The following ICA1L variants were observed in gnomAD, a reference collection of about 807,000 sequenced individuals.
The protein encoded by ICA1L is islet cell autoantigen 1-like protein.
A neutral mutation model predicts 61.3 loss-of-function variants in ICA1L; 50 were observed. The observed-to-expected ratio is 0.82, with a 90% CI of 0.65 to 1.03. The LOEUF is 1.03. Among genes scored for constraint, ICA1L ranks in the 50% least tolerant of loss-of-function variants. ICA1L has a pLI of 0.00. For missense variants in ICA1L, 508 were observed against 556.7 expected, an observed-to-expected ratio of 0.91 and a Z score of 0.88; for synonymous variants, 161 against 191.3, an observed-to-expected ratio of 0.84 and a Z score of 1.31.
Position 202,828,888 on chromosome 2 carries a change from T to C in ICA1L, c.122A>G (p.His41Arg). 6.2e-7 allele frequency: 1 copy of C among 1,614,068 alleles called. No individual in the cohort carries two copies. Among genetic ancestry groups the C allele is most frequent in the Non-Finnish European group, 8.5e-7 (1 of 1,180,000 alleles). Residue 41 changes from histidine to arginine, a missense_variant, in exon 2 of 13, where the codon CAC (histidine) becomes CGC (arginine). His to Arg is a conservative substitution (Grantham distance 29). Transcript: ENST00000358299. ...IKATGKKEDE[H>R]LVASDAELDA... ...CAGTTCAGCATCAGACGCCACCAAG[T>C]GCTCATCCTCTTTTTTTCCTGTTGC...
intron 7 of ICA1L, 66 bp downstream of exon 7, chr2:202,815,845 G>A: frequency 2.3e-6 from 2 of 854,450 alleles, no homozygotes; most frequent in Non-Finnish European, 1.7e-6. Context: ...AAAAAAAAAA[G>A]TTTCAATGTT....
chr2:202,815,585 T>C (rs1693510704), intron 7 of ICA1L, among the ~76,000 whole-genome samples: 1 of 152,142 alleles, frequency 6.6e-6, no homozygotes, highest in African/African-American at 2.4e-5. Flanking sequence ...TGCATAGCCT[T>C]TTCTTATCTC....
rs1307913729 is a variant in ICA1L at position 202,849,890 on chromosome 2, C to G, written c.-7-20874G>C. 6.6e-6 allele frequency among the ~76,000 whole-genome samples: 1 copy of G among 152,192 alleles called. No homozygotes were observed. The highest frequency in any genetic ancestry group is 1.5e-5 in the Non-Finnish European group (1 of 68,044). On this transcript the variant is annotated intron_variant, in intron 1 of 12. Coordinates refer to ENST00000358299, the MANE Select transcript of ICA1L (RefSeq NM_001288622.3). The surrounding 1 kb of genome is among the most constrained non-coding windows in gnomAD (Gnocchi z 4.5). The stretch of plus-strand genomic sequence containing the variant: ...AGCAGGGGTCAACAGACACCTCATA[C>G]AGGAGAGTTCCAGCTGGCATCAGGC...
At position 202,815,928 on chromosome 2, in the gene ICA1L, C is replaced by A. The variant is rs1693519856; in HGVS notation, c.766G>T (p.Asp256Tyr). 6.3e-7 allele frequency: 1 copy of A among 1,590,570 alleles called. No homozygotes were observed. Among genetic ancestry groups the A allele is most frequent in the African/African-American group, 1.4e-5 (1 of 73,452 alleles). ...HEACIGFHPY[D>Y]FVALKQLQDT... ...CAATGTACCTTGAGAGCTACAAAAT[C>A]ATACGGATGAAAGCCAATACAGGCT... The change falls in exon 7 of 13, where the codon GAT (aspartate) becomes TAT (tyrosine). Residue 256 changes from aspartate (D) to tyrosine (Y), a missense_variant. Asp to Tyr is a radical substitution (Grantham distance 160). Transcript: ENST00000358299.
At chr2:202,837,925 C>G (rs1694201271) in intron 1 of ICA1L, among the ~76,000 whole-genome samples, 1 of 152,142 alleles carries the variant, frequency 6.6e-6, no homozygotes, top group African/African-American at 2.4e-5. Flanking sequence ...GTGATCTGGG[C>G]TCACTGCAAC....
chr2:202,862,172 C>T (rs1400970409), intron 1 of ICA1L, among the ~76,000 whole-genome samples: 1 of 148,070 alleles, frequency 6.8e-6, no homozygotes, highest in Non-Finnish European at 1.5e-5. Context: ...GGTGTTGTAG[C>T]TCCCATTTGT....
chr2:202,835,210 TCTTC>T (rs1694113518), intron 1 of ICA1L, among the ~76,000 whole-genome samples: 1 of 140,504 alleles, frequency 7.1e-6, no homozygotes, highest in African/African-American at 2.5e-5. Flanking sequence ...TTTATTGATT[TCTTC>T]CTTTTTTTTT....
chr2:202,795,161 T>C (rs1376510310), intron 10 of ICA1L, among the ~76,000 whole-genome samples: 4 of 151,202 alleles, frequency 2.6e-5, no homozygotes, highest in Non-Finnish European at 5.9e-5. Flanking sequence ...CCAGTTAATT[T>C]TGTATATTTA....
intron 2 of ICA1L, 144 bp downstream of exon 2, chr2:202,828,704 T>C (rs898402128): frequency 1.4e-5 from 10 of 714,340 alleles, no homozygotes; most frequent in South Asian, 1.9e-5. Context: ...AGAGCTCTGA[T>C]TGACAGATGG....
At chr2:202,844,878 T>A (rs1158277455) in intron 1 of ICA1L, among the ~76,000 whole-genome samples, 1 of 152,218 alleles carries the variant, frequency 6.6e-6, no homozygotes, top group Non-Finnish European at 1.5e-5. Context: ...TAAAATAAAG[T>A]TGTCAGACGG....
chr2:202,864,206 T>G (rs1016205673), intron 1 of ICA1L, among the ~76,000 whole-genome samples: 1 of 152,078 alleles, frequency 6.6e-6, no homozygotes, highest in African/African-American at 2.4e-5. Context: ...CTTTGCCCTC[T>G]AAACCAAACA....
chr2:202,817,124 T>A (rs973761477), intron 6 of ICA1L, among the ~76,000 whole-genome samples: 5 of 152,170 alleles, frequency 3.3e-5, no homozygotes, highest in African/African-American at 9.7e-5. Context: ...ACAGCTCTGG[T>A]TAAACCAGGG....
chr2:202,794,086 A>T, intron 10 of ICA1L, among the ~76,000 whole-genome samples: 1 of 152,164 alleles, frequency 6.6e-6, no homozygotes, highest in East Asian at 1.9e-4. Flanking sequence ...AACATGATAT[A>T]GTATCAGGAA....
chr2:202,824,047 A>G (rs1350673336), intron 3 of ICA1L, among the ~76,000 whole-genome samples: 3 of 152,242 alleles, frequency 2.0e-5, no homozygotes, highest in Non-Finnish European at 4.4e-5. Flanking sequence ...TCAAATATTT[A>G]TCGAGTACTG....
chr2:202,815,475 A>G (rs1363309578), intron 7 of ICA1L, among the ~76,000 whole-genome samples: 1 of 152,156 alleles, frequency 6.6e-6, no homozygotes, highest in Non-Finnish European at 1.5e-5. Flanking sequence ...AAGTAAAACA[A>G]AGTTTTTCTC....
Position 202,814,687 on chromosome 2 carries a change from CT to C in ICA1L, c.866+14del, listed in dbSNP as rs1285842134. ...GACTTCTATAACATGACACAGATGA[CT>C]TATGCCTGCTTACTTATTGAGCTGT... On this transcript the variant is annotated intron_variant, in intron 8 of 12. Coordinates refer to ENST00000358299, the MANE Select transcript of ICA1L (RefSeq NM_001288622.3). The C allele has an allele frequency of 6.3e-7, 1 of 1,578,204 alleles. No individual in the cohort carries two copies. Among genetic ancestry groups the C allele is most frequent in the Non-Finnish European group, 8.7e-7 (1 of 1,147,984 alleles).
chr2:202,829,723 TTTAG>T (rs1411990938), intron 1 of ICA1L, among the ~76,000 whole-genome samples: 16 of 152,332 alleles, frequency 1.1e-4, no homozygotes, highest in Middle Eastern at 3.4e-3. Flanking sequence ...TTATATTAAT[TTTAG>T]TTAGATGACA....
At chr2:202,825,828 C>T in intron 2 of ICA1L, 61 bp from the exon 3 acceptor site, 1 of 972,966 alleles carries the variant, frequency 1.0e-6, no homozygotes, top group Admixed American at 2.6e-5. Context: ...ATGTTATAAG[C>T]ACCCCAAAAG....
Position 202,815,917 on chromosome 2 carries a change from A to T in ICA1L, c.777T>A (p.Ala259=). 6.3e-7 allele frequency: 1 copy of T among 1,576,590 alleles called. No homozygotes were observed. Among genetic ancestry groups the T allele is most frequent in the Non-Finnish European group, 8.6e-7 (1 of 1,160,822 alleles). ...CIGFHPYDFV[A]LKQLQDTPSK... is the part of the protein sequence containing the mutation. ...AACATGGAACACAATGTACCTTGAG[A>T]GCTACAAAATCATACGGATGAAAGC... is the stretch of plus-strand genomic sequence containing the variant. The change falls in exon 7 of 13, where the codon GCT becomes GCA. Residue 259 remains alanine, a synonymous_variant. Transcript: ENST00000358299.
Sources: gnomAD v4.1 joint callset for allele counts (sites outside exome capture counted in the v4.1 genomes callset) on GRCh38, gnomAD v4.1.1 for gene constraint, Gnocchi (gnomAD v3.1) non-coding constraint, MANE v1.5 for transcripts, NCBI Gene and HGNC (gene_info 2026-07-23, HGNC 2026-07-21) for gene names.